The following NPHP4 variants were observed in gnomAD, a reference collection of about 807,000 sequenced individuals.
NPHP4 encodes nephrocystin 4, also known as nephrocystin-4.
NPHP4 carries 151 observed loss-of-function variants against 155.8 expected under a neutral mutation model. The ratio of observed to expected loss-of-function variants is 0.97; its 90% confidence interval spans 0.85 to 1.11. The LOEUF (loss-of-function observed/expected upper bound fraction) is 1.11, where lower values mean the gene tolerates loss of function less well. Ranked by LOEUF, NPHP4 falls within the 50% of genes least tolerant of loss-of-function variation. The probability of loss-of-function intolerance (pLI) is 0.00; values close to 1 mark genes in which losing one functional copy is unlikely to be tolerated. For missense variants in NPHP4, 1,956 were observed against 1,925.7 expected (o/e 1.02, Z -0.29); for synonymous variants, 845 against 816.8 (o/e 1.03, Z -0.59).
Position 5,905,259 on chromosome 1 carries a change from G to A in NPHP4, c.1955+33C>T. The A allele has an allele frequency of 1.3e-6, 2 of 1,548,180 alleles. No homozygotes were observed. Among genetic ancestry groups the A allele is most frequent in the African/African-American group, 1.4e-5 (1 of 73,848 alleles). ...TCTCTTCAACACAGGAAATGTGAAA[G>A]CCAGATGAGTAACAGAATATTCAAG... On this transcript the variant is annotated intron_variant, in intron 15 of 29. Transcript: ENST00000378156. The surrounding 1 kb of genome is among the most constrained non-coding windows in gnomAD (Gnocchi z 4.0).
At chr1:5,956,679 A>G (rs1304197592) in intron 6 of NPHP4, among the ~76,000 whole-genome samples, 1 of 152,168 alleles carries the variant, frequency 6.6e-6, no homozygotes, top group Non-Finnish European at 1.5e-5. Flanking sequence ...GCCTTCGCAC[A>G]TCTGAAGGGC....
intron 1 of NPHP4, among the ~76,000 whole-genome samples, chr1:5,989,143 T>G (rs1655893902): frequency 6.6e-6 from 1 of 152,074 alleles, no homozygotes; most frequent in South Asian, 2.1e-4. Flanking sequence ...CCGGGAGACT[T>G]GAGCCCAGGA....
intron 3 of NPHP4, among the ~76,000 whole-genome samples, chr1:5,976,176 G>A (rs875901): frequency 6.6e-6 from 1 of 152,178 alleles, no homozygotes; most frequent in Non-Finnish European, 1.5e-5. Flanking sequence ...GCACAGGGCC[G>A]TCGCTCCCAC....
chr1:5,970,998 G>T (rs1232399088), intron 3 of NPHP4, among the ~76,000 whole-genome samples: 1 of 152,202 alleles, frequency 6.6e-6, no homozygotes, highest in Admixed American at 6.5e-5. Flanking sequence ...CCACTGCAAA[G>T]TCGAGTTGGT....
chr1:5,879,034 C>T (rs1275734830), intron 19 of NPHP4, among the ~76,000 whole-genome samples: 2 of 152,238 alleles, frequency 1.3e-5, no homozygotes, highest in African/African-American at 4.8e-5. Flanking sequence ...CTCTATCTGC[C>T]TGGATCATGA....
intron 20 of NPHP4, chr1:5,876,175 A>G (rs1029249658): frequency 6.7e-6 from 1 of 150,140 alleles, no homozygotes; most frequent in African/African-American, 2.5e-5. Context: ...AGCTAAGGTT[A>G]TCCAGGCTAG....
chr1:5,924,217 G>C (rs566787750), intron 11 of NPHP4, among the ~76,000 whole-genome samples: 10 of 152,270 alleles, frequency 6.6e-5, no homozygotes, highest in Admixed American at 3.9e-4. Context: ...ATGAATAAAA[G>C]TGAACAGAGT....
intron 7 of NPHP4, among the ~76,000 whole-genome samples, chr1:5,950,190 T>C (rs541574324): frequency 6.6e-6 from 1 of 152,264 alleles, no homozygotes; most frequent in East Asian, 1.9e-4. Context: ...AAAAAAATGT[T>C]CTCTGGGACT....
chr1:5,951,509 T>A (rs528848815), intron 7 of NPHP4, among the ~76,000 whole-genome samples: 16 of 152,250 alleles, frequency 1.1e-4, no homozygotes, highest in African/African-American at 3.1e-4. Context: ...GGCTGACCCC[T>A]CTTCTCCCTA....
At chr1:5,894,449 CAAAA>C (rs34608472) in intron 16 of NPHP4, among the ~76,000 whole-genome samples, 72 of 103,158 alleles carry the variant, frequency 7.0e-4, no homozygotes, top group African/African-American at 2.4e-3. Context: ...GACCCAGTCT[CAAAA>C]AAAAAAAAAA....
intron 9 of NPHP4, among the ~76,000 whole-genome samples, chr1:5,935,555 G>C (rs557283224): frequency 6.6e-6 from 1 of 152,338 alleles, no homozygotes; most frequent in Admixed American, 6.5e-5. Flanking sequence ...CAACGACATG[G>C]TGATTATAAC....
rs183717556 is a variant in NPHP4, at chr1:5,944,555, T to C, written c.1119+2549A>G. ...GGTTCCGCACAGGAAGCAATTTTTG[T>C]GTGGAAGGTCATTTCACACACTGCA... On this transcript the variant is annotated intron_variant, in intron 9 of 29. Transcript: ENST00000378156. The surrounding 1 kb of genome is among the most constrained non-coding windows in gnomAD (Gnocchi z 4.3). Among the ~76,000 whole-genome samples the C allele has an allele frequency of 2.6e-5, 4 of 152,356 alleles. No homozygotes were observed. Among genetic ancestry groups the C allele is most frequent in the Admixed American group, 2.0e-4 (3 of 15,312 alleles).
At chr1:5,891,584 T>C (rs1176975908) in intron 16 of NPHP4, among the ~76,000 whole-genome samples, 2 of 152,272 alleles carry the variant, frequency 1.3e-5, no homozygotes, top group East Asian at 1.9e-4. Context: ...CTGCGGCCCC[T>C]GCCTTCATCT....
In NPHP4 at chr1:5,889,660, G is replaced by A. The variant is rs1644013281; in HGVS notation, c.2304+1208C>T. Among the ~76,000 whole-genome samples the A allele has an allele frequency of 6.6e-6, 1 of 152,214 alleles. No homozygotes were observed. The highest frequency in any genetic ancestry group is 2.4e-5 in the African/African-American group (1 of 41,460). On this transcript the variant is annotated intron_variant, in intron 17 of 29. Coordinates refer to ENST00000378156, the MANE Select transcript of NPHP4 (RefSeq NM_015102.5). This position sits in a 1 kb window ranked among gnomAD's most constrained non-coding sequence, Gnocchi z 4.2. ...CCATGCAGAGCCTGCTGGGGCTGAG[G>A]CCTGTGCTAGAGATGCTGTGGTGTC...
chr1:5,869,268 C>G (rs376047937), intron 23 of NPHP4, among the ~76,000 whole-genome samples: 1 of 138,376 alleles, frequency 7.2e-6, no homozygotes, highest in Non-Finnish European at 1.6e-5. Context: ...CACCCACATG[C>G]ATGCATGCAT....
In NPHP4 at chr1:5,897,592, C is replaced by T. The variant is rs559857721; in HGVS notation, c.2144-6564G>A. On this transcript the variant is annotated intron_variant, in intron 16 of 29. Transcript: ENST00000378156. ...ACATGAAGAAGCAACCAGGTAAGCCCGGAACACGGGACGTTCTGCAAGACA... is the reference window on the plus strand; with the variant it reads ...ACATGAAGAAGCAACCAGGTAAGCCTGGAACACGGGACGTTCTGCAAGACA... Among the ~76,000 whole-genome samples, 6 of 152,202 alleles carry T rather than the reference C, an allele frequency of 3.9e-5. No homozygotes were observed. The East Asian group carries it at 5.8e-4, about 15-fold the overall frequency.
At chr1:5,891,194 G>A (rs556490106) in intron 16 of NPHP4, among the ~76,000 whole-genome samples, 166 bp from the exon 17 acceptor site, 2 of 152,198 alleles carry the variant, frequency 1.3e-5, no homozygotes, top group African/African-American at 4.8e-5. Context: ...CAAATTAACA[G>A]AATGAAGAGT....
intron 18 of NPHP4, 71 bp downstream of exon 18, chr1:5,887,215 G>T: frequency 7.0e-7 from 1 of 1,426,242 alleles, no homozygotes; most frequent in Non-Finnish European, 9.5e-7. Flanking sequence ...GCCCCTGCCC[G>T]AGGGAGCCCA....
At chr1:5,900,788 T>C (rs1299933293) in intron 16 of NPHP4, among the ~76,000 whole-genome samples, 1 of 152,046 alleles carries the variant, frequency 6.6e-6, no homozygotes, top group African/African-American at 2.4e-5. Flanking sequence ...CTCAGCACTT[T>C]GGGAGGCTGA....
Sources: gnomAD v4.1 joint callset for allele counts (sites outside exome capture counted in the v4.1 genomes callset) on GRCh38, gnomAD v4.1.1 for gene constraint, Gnocchi (gnomAD v3.1) non-coding constraint, MANE v1.5 for transcripts, NCBI Gene and HGNC (gene_info 2026-07-23, HGNC 2026-07-21) for gene names.